The following CPE variants were observed in gnomAD, a reference collection of about 807,000 sequenced individuals.
The protein encoded by CPE is carboxypeptidase E, also known as carbocypeptidase E.
In CPE, 17 loss-of-function variants were observed where a neutral mutation model predicts 53.5. The ratio of observed to expected loss-of-function variants is 0.32; its 90% CI spans 0.22 to 0.48. The LOEUF is 0.48. Among genes scored for constraint, CPE ranks in the 20% least tolerant of loss-of-function variants. CPE has a pLI of 0.99. For synonymous variants in CPE, 226 were observed against 228.8 expected (o/e 0.99, Z 0.11); for missense variants, 524 against 614.7 (o/e 0.85, Z 1.56).
intron 3 of CPE, 39 bp downstream of exon 3, chr4:165,467,894 G>C: frequency 6.3e-7 from 1 of 1,599,416 alleles, no homozygotes; most frequent in Non-Finnish European, 8.5e-7. Flanking sequence ...TTCGTCTCTA[G>C]CCTAAGGAAA....
chr4:165,452,126 C>T (rs1039404114), intron 1 of CPE, among the ~76,000 whole-genome samples: 1 of 151,892 alleles, frequency 6.6e-6, no homozygotes, highest in African/African-American at 2.4e-5. Context: ...AAGGAGAGGG[C>T]AGAATGATAG....
At chr4:165,448,096 G>A (rs1423741904) in intron 1 of CPE, among the ~76,000 whole-genome samples, 1 of 151,956 alleles carries the variant, frequency 6.6e-6, no homozygotes, top group Non-Finnish European at 1.5e-5. Flanking sequence ...ATAGGAGAGA[G>A]GTAAAAATTA....
intron 3 of CPE, among the ~76,000 whole-genome samples, chr4:165,473,478 A>G (rs367710014): frequency 3.9e-5 from 6 of 152,362 alleles, no homozygotes; most frequent in African/African-American, 1.4e-4. Context: ...TGCAGAAGTT[A>G]TCCCCCCTCA....
At chr4:165,408,248 A>G (rs1476510527) in intron 1 of CPE, among the ~76,000 whole-genome samples, 1 of 152,194 alleles carries the variant, frequency 6.6e-6, no homozygotes, top group Non-Finnish European at 1.5e-5. Flanking sequence ...CTAAGGTCAC[A>G]AAGATTTACA....
chr4:165,458,110 A>C (rs896305918), intron 1 of CPE, among the ~76,000 whole-genome samples: 3 of 152,240 alleles, frequency 2.0e-5, no homozygotes, highest in African/African-American at 7.2e-5. Context: ...TTTTAACCCC[A>C]GGTTTATCAC....
chr4:165,436,921 C>A (rs985451111), intron 1 of CPE, among the ~76,000 whole-genome samples: 1 of 152,066 alleles, frequency 6.6e-6, no homozygotes, highest in Non-Finnish European at 1.5e-5. Context: ...GAACAAAAGG[C>A]AGATTACTAA....
At chr4:165,480,851 AT>A (rs956940254) in intron 3 of CPE, among the ~76,000 whole-genome samples, 1 of 152,036 alleles carries the variant, frequency 6.6e-6, no homozygotes, top group African/African-American at 2.4e-5. Flanking sequence ...AAATGATCAC[AT>A]TTAAAAATTA....
intron 1 of CPE, among the ~76,000 whole-genome samples, chr4:165,428,754 A>G (rs67442618): frequency 0.3 from 44,758 of 151,574 alleles, 6,736 homozygotes; most frequent in Middle Eastern, 0.39. Context: ...CATCACTCCA[A>G]TTTCTGCCTT....
chr4:165,410,421 C>G (rs1171818214), intron 1 of CPE, among the ~76,000 whole-genome samples: 1 of 152,094 alleles, frequency 6.6e-6, no homozygotes, highest in Non-Finnish European at 1.5e-5. Flanking sequence ...GAACATCACA[C>G]CGGCACTGGG....
At chr4:165,442,516 T>A (rs907457787) in intron 1 of CPE, among the ~76,000 whole-genome samples, 1 of 152,166 alleles carries the variant, frequency 6.6e-6, no homozygotes. Flanking sequence ...TTCCAGATTA[T>A]AACAAGGCCC....
intron 2 of CPE, among the ~76,000 whole-genome samples, chr4:165,466,283 G>A (rs771154029): frequency 3.7e-4 from 56 of 152,232 alleles, no homozygotes; most frequent in Non-Finnish European, 6.2e-4. Flanking sequence ...CATAGAAAAG[G>A]TACAGTGAAA....
At chr4:165,461,215 C>T (rs368346661) in intron 1 of CPE, among the ~76,000 whole-genome samples, 110 of 93,730 alleles carry the variant, frequency 1.2e-3, no homozygotes, top group African/African-American at 4.0e-3. Flanking sequence ...AGAAAAATAA[C>T]AAAGGAACTG....
rs1263570237 is a variant in CPE, at chr4:165,481,308, T to C, written c.673-934T>C. Among the ~76,000 whole-genome samples the C allele has an allele frequency of 3.3e-5, 5 of 152,280 alleles. No individual in the cohort carries two copies. The East Asian group carries it at 5.8e-4, about 18-fold the overall frequency. Reference sequence around the variant, plus strand: ...TATCTTTGCATATCCAATACGAATGTTGAAGTGCAGTAAAATAGTTCATGT... The same window carrying C: ...TATCTTTGCATATCCAATACGAATGCTGAAGTGCAGTAAAATAGTTCATGT... On this transcript the variant is annotated intron_variant, in intron 3 of 8. Transcript: ENST00000402744.
chr4:165,483,678 A>G (rs942000527), intron 4 of CPE, among the ~76,000 whole-genome samples: 2 of 152,208 alleles, frequency 1.3e-5, no homozygotes, highest in Non-Finnish European at 2.9e-5. Flanking sequence ...AAGTCATGTA[A>G]TATGATATTG....
rs575643765 is a variant in CPE, at chr4:165,388,630, C to T, written c.307+9102C>T. Among the ~76,000 whole-genome samples, 5 of 152,280 alleles carry T rather than the reference C, an allele frequency of 3.3e-5. No homozygotes were observed. The South Asian group carries it at 6.2e-4, about 19-fold the overall frequency. Reference sequence around the variant, plus strand: ...CCAGTGGATACATTACTTGATTCTGCGTAATGCCTGCTGCATATGATGCAG... The same window carrying T: ...CCAGTGGATACATTACTTGATTCTGTGTAATGCCTGCTGCATATGATGCAG... On this transcript the variant is annotated intron_variant, in intron 1 of 8. Transcript: ENST00000402744.
intron 1 of CPE, among the ~76,000 whole-genome samples, chr4:165,453,200 C>T (rs1307627000): frequency 1.3e-5 from 2 of 151,994 alleles, no homozygotes; most frequent in East Asian, 1.9e-4. Context: ...CCTCGTGATC[C>T]GCCCACCTCG....
At chr4:165,430,915 A>C (rs1054235718) in intron 1 of CPE, among the ~76,000 whole-genome samples, 1 of 152,070 alleles carries the variant, frequency 6.6e-6, no homozygotes, top group African/African-American at 2.4e-5. Context: ...AGTATTACTG[A>C]CCTTACCTTT....
rs140076336 is a variant in CPE, at chr4:165,476,409, C to T, written c.673-5833C>T. On this transcript the variant is annotated intron_variant, in intron 3 of 8. Coordinates refer to ENST00000402744, the MANE Select transcript of CPE (RefSeq NM_001873.4). ...TTGCACAGTGTGTTTACTGAAGCTG[C>T]GCACATGCTCACTTGAGGCGTTCGT... Among the ~76,000 whole-genome samples, 249 of 152,044 alleles carry T rather than the reference C, an allele frequency of 1.6e-3. 6 individuals carry two copies. The highest frequency in any genetic ancestry group is 3.4e-3 in the Middle Eastern group (1 of 294).
At chr4:165,466,229 C>T (rs116830176) in intron 2 of CPE, among the ~76,000 whole-genome samples, 4,160 of 152,218 alleles carry the variant, frequency 0.027, 86 homozygotes, top group Middle Eastern at 0.065. Flanking sequence ...GTACTGAATA[C>T]TGTAGGCAAC....
Sources: allele counts gnomAD v4.1 joint callset (sites outside exome capture counted in the v4.1 genomes callset), GRCh38; gene constraint gnomAD v4.1.1; transcripts MANE v1.5; gene names NCBI Gene and HGNC (gene_info 2026-07-23, HGNC 2026-07-21).